QTGAL: variants seen among roughly 807,000 people sequenced by gnomAD.
The protein encoded by QTGAL is queuosine-tRNA galactosyltransferase, also known as BGnT-like protein 1.
the QTGAL span, among the ~76,000 whole-genome samples, chr17:82,954,129 G>A: frequency 1.3e-5 from 2 of 152,140 alleles, no homozygotes; most frequent in Non-Finnish European, 2.9e-5. Context: ...ACATAGTATT[G>A]GAAGTTCTGG....
chr17:83,036,981 G>A, the QTGAL span, among the ~76,000 whole-genome samples: 26 of 152,236 alleles, frequency 1.7e-4, no homozygotes, highest in African/African-American at 3.4e-4. Flanking sequence ...CCAAAATGAG[G>A]GTGCTGAGGA....
At chr17:82,985,851 T>G in the QTGAL span, among the ~76,000 whole-genome samples, 13 of 101,822 alleles carry the variant, frequency 1.3e-4, no homozygotes, top group African/African-American at 5.9e-4. Context: ...GCTGGCATTC[T>G]TTAAGAAAAG....
the QTGAL span, among the ~76,000 whole-genome samples, chr17:82,963,847 TA>T: frequency 6.0e-5 from 9 of 151,228 alleles, no homozygotes; most frequent in Admixed American, 2.6e-4. Context: ...ATAAATTTGC[TA>T]AAAAAAAATT....
At chr17:82,997,914 T>C in the QTGAL span, among the ~76,000 whole-genome samples, 8 of 111,002 alleles carry the variant, frequency 7.2e-5, 1 homozygote, top group Non-Finnish European at 1.0e-4. Flanking sequence ...GGAAGGTTAA[T>C]GGGTTTAAAA....
At chr17:83,045,902 C>T in the QTGAL span, among the ~76,000 whole-genome samples, 47 of 143,456 alleles carry the variant, frequency 3.3e-4, no homozygotes, top group African/African-American at 1.1e-3. Context: ...GCAGAGATCG[C>T]GATCTCTGCC....
the QTGAL span, among the ~76,000 whole-genome samples, chr17:83,031,277 A>T: frequency 3.4e-5 from 5 of 148,570 alleles, no homozygotes; most frequent in Non-Finnish European, 4.5e-5. Flanking sequence ...TCGCAGGACC[A>T]GAGTCACGTT....
the QTGAL span, among the ~76,000 whole-genome samples, chr17:82,972,510 T>C: frequency 5.2e-3 from 179 of 34,320 alleles, no homozygotes; most frequent in Non-Finnish European, 6.7e-3. Context: ...CACCACACCA[T>C]GGGCCAGAAG....
the QTGAL span, chr17:82,947,325 C>CGAGA: frequency 3.5e-6 from 1 of 285,560 alleles, no homozygotes; most frequent in Non-Finnish European, 6.6e-6. Flanking sequence ...CCCACCTTCC[C>CGAGA]TCCACACACC....
chr17:83,006,802 T>C, the QTGAL span: 1 of 985,452 alleles, frequency 1.0e-6, no homozygotes. This position sits in a 1 kb window ranked among gnomAD's most constrained non-coding sequence, Gnocchi z 5.8. Context: ...ACATTCAAGT[T>C]CAGGTTTGTC....
At chr17:83,007,494 G>A in the QTGAL span, among the ~76,000 whole-genome samples, 1 of 151,994 alleles carries the variant, frequency 6.6e-6, no homozygotes. Flanking sequence ...GTTCCAAAAC[G>A]TGAAGACAGA....
At chr17:82,982,475 C>T in the QTGAL span, among the ~76,000 whole-genome samples, 78 of 142,480 alleles carry the variant, frequency 5.5e-4, no homozygotes, top group African/African-American at 1.3e-3. Flanking sequence ...AAGGGCCTCA[C>T]GGAGATCCTC....
chr17:83,038,033 T>G, the QTGAL span, among the ~76,000 whole-genome samples: 4 of 152,184 alleles, frequency 2.6e-5, no homozygotes, highest in East Asian at 7.7e-4. Flanking sequence ...TTCATTTTGG[T>G]TTTAGCAAGC....
the QTGAL span, among the ~76,000 whole-genome samples, chr17:83,027,760 A>G: frequency 2.0e-5 from 3 of 151,460 alleles, no homozygotes; most frequent in Middle Eastern, 3.4e-3. Context: ...TCCACAATCT[A>G]TATACCTGAC....
the QTGAL span, among the ~76,000 whole-genome samples, chr17:82,950,478 A>T: frequency 6.6e-6 from 1 of 152,174 alleles, no homozygotes; most frequent in African/African-American, 2.4e-5. Flanking sequence ...TGAAAAACTA[A>T]ACCAGATTCG....
chr17:82,955,352 A>G, the QTGAL span, among the ~76,000 whole-genome samples: 1 of 152,238 alleles, frequency 6.6e-6, no homozygotes, highest in Non-Finnish European at 1.5e-5. Flanking sequence ...AGAAACATGA[A>G]AAAAAGCTCA....
At chr17:83,032,032 G>A in the QTGAL span, among the ~76,000 whole-genome samples, 1 of 151,956 alleles carries the variant, frequency 6.6e-6, no homozygotes, top group Non-Finnish European at 1.5e-5. Flanking sequence ...TGAACAACCG[G>A]GTCAGACCAG....
At chr17:83,016,351 A>C in the QTGAL span, among the ~76,000 whole-genome samples, 1 of 152,244 alleles carries the variant, frequency 6.6e-6, no homozygotes, top group East Asian at 1.9e-4. Flanking sequence ...CGGCCTTAGG[A>C]CATTCAGATC....
At chr17:82,951,229 C>G in the QTGAL span, among the ~76,000 whole-genome samples, 1 of 152,212 alleles carries the variant, frequency 6.6e-6, no homozygotes, top group Non-Finnish European at 1.5e-5. Flanking sequence ...GTTGCTTCCT[C>G]TACACTGAAG....
At chr17:82,957,382 A>G in the QTGAL span, 750 of 1,613,306 alleles carry the variant, frequency 4.6e-4, 11 homozygotes, top group East Asian at 0.014. Context: ...CCGGCAGTCA[A>G]GCTGCGGTAC....
Sources: allele counts gnomAD v4.1 joint callset (sites outside exome capture counted in the v4.1 genomes callset), GRCh38; gene constraint gnomAD v4.1.1; non-coding constraint Gnocchi (gnomAD v3.1); transcripts MANE v1.5; gene names NCBI Gene and HGNC (gene_info 2026-07-23, HGNC 2026-07-21).